Variants in ANKRD26 observed in about 807,000 individuals in gnomAD.
The protein encoded by ANKRD26 is ankyrin repeat domain-containing protein 26.
A neutral mutation model predicts 208.7 loss-of-function variants in ANKRD26; 141 were observed. The observed-to-expected ratio is 0.68, with a 90% CI of 0.59 to 0.78. The LOEUF (loss-of-function observed/expected upper bound fraction) is 0.78. Ranked by LOEUF, ANKRD26 falls within the 30% of genes least tolerant of loss-of-function variation. ANKRD26 has a pLI of 0.00. For synonymous variants in ANKRD26, 636 were observed against 660.4 expected, an observed-to-expected ratio of 0.96 and a Z score of 0.57; for missense variants, 1,889 against 1,938.7, an observed-to-expected ratio of 0.97 and a Z score of 0.48.
chr10:26,986,099 G>A (rs1366498611), intron 3 of ANKRD26, among the ~76,000 whole-genome samples: 1 of 152,258 alleles, frequency 6.6e-6, no homozygotes, highest in East Asian at 1.9e-4. Flanking sequence ...CAATGGAACA[G>A]AACAGAGCCC....
chr10:27,084,203 A>G (rs1377564077), intron 5 of ANKRD26, among the ~76,000 whole-genome samples: 1 of 147,122 alleles, frequency 6.8e-6, no homozygotes, highest in East Asian at 2.0e-4. Context: ...GGGCAACAAG[A>G]GCAAAACTAC....
chr10:26,970,704 C>T (rs138072297), downstream of ANKRD26, among the ~76,000 whole-genome samples: 273 of 152,298 alleles, frequency 1.8e-3, no homozygotes, highest in Non-Finnish European at 2.4e-3. Flanking sequence ...ACCAACAATA[C>T]TGGGTATAGT....
intron 29 of ANKRD26, among the ~76,000 whole-genome samples, chr10:27,022,143 C>G (rs2053510685): frequency 6.6e-6 from 1 of 152,070 alleles, no homozygotes; most frequent in South Asian, 2.1e-4. Context: ...AAGCCATTAT[C>G]CTTAGTAAAC....
intron 28 of ANKRD26, among the ~76,000 whole-genome samples, chr10:27,022,907 T>C (rs560118197): frequency 6.6e-6 from 1 of 152,230 alleles, no homozygotes; most frequent in Non-Finnish European, 1.5e-5. Flanking sequence ...GATAAAGAGT[T>C]AACATTAAAA....
chr10:27,001,080 G>C (rs1171688220), downstream of ANKRD26, among the ~76,000 whole-genome samples: 1 of 152,144 alleles, frequency 6.6e-6, no homozygotes, highest in Non-Finnish European at 1.5e-5. Flanking sequence ...CCAAATTATA[G>C]ATTCAATGCA....
chr10:27,076,272 T>TC (rs1362679994), intron 9 of ANKRD26, among the ~76,000 whole-genome samples: 1 of 151,332 alleles, frequency 6.6e-6, no homozygotes, highest in African/African-American at 2.4e-5. Context: ...TTGGTTTTTT[T>TC]TTTTTTTTAG....
At chr10:27,050,866 T>G (rs1205128800) in intron 16 of ANKRD26, among the ~76,000 whole-genome samples, 1 of 152,208 alleles carries the variant, frequency 6.6e-6, no homozygotes, top group Non-Finnish European at 1.5e-5. Flanking sequence ...TTAGGTTGAT[T>G]AAGGAACAAA....
intron 9 of ANKRD26, among the ~76,000 whole-genome samples, chr10:27,072,579 C>CT (rs1554790628): frequency 6.6e-6 from 1 of 152,184 alleles, no homozygotes; most frequent in Non-Finnish European, 1.5e-5. Context: ...GAGTATTTCC[C>CT]TTGGGTAACC....
chr10:27,077,549 A>T lies in ANKRD26; in HGVS notation c.875-9T>A, dbSNP rs780057746. On this transcript the variant is annotated splice_polypyrimidine_tract_variant and intron_variant, in intron 8 of 33. Coordinates refer to ENST00000376087, the MANE Select transcript of ANKRD26 (RefSeq NM_014915.3). The stretch of plus-strand genomic sequence containing the variant: ...GCCATATGTTGCTTCTACTACAGTA[A>T]AAACAAAATAAAGAGTAAATGAAAA... 6.2e-7 allele frequency: 1 copy of T among 1,613,110 alleles called. No homozygotes were observed. Among genetic ancestry groups the T allele is most frequent in the South Asian group, 1.1e-5 (1 of 91,050 alleles).
At chr10:26,965,205 G>C in the ANKRD26 span, among the ~76,000 whole-genome samples, 19 of 152,226 alleles carry the variant, frequency 1.2e-4, no homozygotes, top group African/African-American at 4.6e-4. Flanking sequence ...CAAAGCTGGA[G>C]GCATCACGCT....
At chr10:27,077,738 T>C in intron 7 of ANKRD26, 45 bp from the exon 8 acceptor site, 1 of 1,499,836 alleles carries the variant, frequency 6.7e-7, no homozygotes, top group Non-Finnish European at 9.2e-7. Context: ...AAAACAAGTA[T>C]CAAATTTGAT....
At chr10:27,097,726 T>C (rs2056515643) in intron 1 of ANKRD26, among the ~76,000 whole-genome samples, 2 of 152,192 alleles carry the variant, frequency 1.3e-5, no homozygotes, top group Admixed American at 6.5e-5. Flanking sequence ...CTCAGCTCAC[T>C]GTACCCTCCG....
At chr10:27,062,968 A>G (rs1434200370) in intron 12 of ANKRD26, among the ~76,000 whole-genome samples, 1 of 152,026 alleles carries the variant, frequency 6.6e-6, no homozygotes, top group African/African-American at 2.4e-5. Flanking sequence ...GGGTTTCACC[A>G]TGTTGGCCAG....
downstream of ANKRD26, among the ~76,000 whole-genome samples, chr10:26,973,649 CTTT>C (rs71386903): frequency 5.7e-5 from 5 of 88,436 alleles, no homozygotes; most frequent in Admixed American, 8.5e-4. Context: ...TTTATTTGTC[CTTT>C]TTTTTTTTTT....
chr10:27,067,523 G>C (rs1328702708), intron 9 of ANKRD26, among the ~76,000 whole-genome samples: 1 of 152,054 alleles, frequency 6.6e-6, no homozygotes, highest in Non-Finnish European at 1.5e-5. Flanking sequence ...AGCAGCTTCT[G>C]CTTCTGGGGA....
chr10:27,005,567 G>A lies in ANKRD26; in HGVS notation c.*23C>T. 1 of 1,598,776 alleles carries A rather than the reference G, an allele frequency of 6.3e-7. No individual in the cohort carries two copies. Among genetic ancestry groups the A allele is most frequent in the South Asian group, 1.1e-5 (1 of 89,998 alleles). ...TGAGAAACAAAATGTCACATAAACA[G>A]CCCAGTAATAAAATCTTATCTTTCA... On this transcript the variant is annotated 3_prime_UTR_variant, in exon 34 of 34. Coordinates refer to ENST00000376087, the MANE Select transcript of ANKRD26 (RefSeq NM_014915.3).
At chr10:27,040,755 C>T (rs1214562882) in intron 20 of ANKRD26, among the ~76,000 whole-genome samples, 3 of 152,080 alleles carry the variant, frequency 2.0e-5, no homozygotes, top group Non-Finnish European at 2.9e-5. Flanking sequence ...AGTGGCCGGG[C>T]GTAGTGGGTC....
Position 27,048,785 on chromosome 10 carries a change from T to C in ANKRD26, c.1814+16A>G. The stretch of plus-strand genomic sequence containing the variant: ...ACAATAACAATTATCTGCTGTTAAA[T>C]ATGCTATCAGCTTACCTAGCATACT... On this transcript the variant is annotated intron_variant, in intron 17 of 33. Coordinates refer to ENST00000376087, the MANE Select transcript of ANKRD26 (RefSeq NM_014915.3). 6.2e-7 allele frequency: 1 copy of C among 1,606,550 alleles called. No homozygotes were observed. Among genetic ancestry groups the C allele is most frequent in the Non-Finnish European group, 8.5e-7 (1 of 1,174,288 alleles).
chr10:27,048,509 C>A (rs1318700335), intron 17 of ANKRD26, among the ~76,000 whole-genome samples: 1 of 152,138 alleles, frequency 6.6e-6, no homozygotes, highest in Non-Finnish European at 1.5e-5. Flanking sequence ...TTGATACATA[C>A]TAAATTATCC....
Sources: gnomAD v4.1 joint callset for allele counts (sites outside exome capture counted in the v4.1 genomes callset) on GRCh38, gnomAD v4.1.1 for gene constraint, MANE v1.5 for transcripts, NCBI Gene and HGNC (gene_info 2026-07-23, HGNC 2026-07-21) for gene names.